The following ADTRP variants were observed in gnomAD, a reference collection of about 807,000 sequenced individuals.
ADTRP encodes the protein androgen dependent TFPI regulating protein, also known as androgen-dependent TFPI-regulating protein.
ADTRP carries 20 observed loss-of-function variants against 27.0 expected under a neutral mutation model. That is an observed-to-expected ratio of 0.74 (90% CI 0.52 to 1.08). The LOEUF (loss-of-function observed/expected upper bound fraction) is 1.08. ADTRP is among the 50% of genes least tolerant of loss of function. ADTRP has a pLI of 0.00. For synonymous variants in ADTRP, 101 were observed against 105.2 expected (o/e 0.96, Z 0.25); for missense variants, 251 against 275.0 (o/e 0.91, Z 0.62).
rs1763219610 is a variant in ADTRP at position 11,756,531 on chromosome 6, CTA to C, written c.390+9741_390+9742del. Among the ~76,000 whole-genome samples, 6 of 152,090 alleles carry C rather than the reference CTA, an allele frequency of 3.9e-5. No homozygotes were observed. The South Asian group carries it at 1.2e-3, about 32-fold the overall frequency. On this transcript the variant is annotated intron_variant, in intron 3 of 5. Transcript: ENST00000414691. ...ACTGGGCAAAGAGTACACAAGACCT[CTA>C]TGATTTCTTACACTTACATGTAAAT...
chr6:11,726,537 G>GT (rs1180922435), intron 4 of ADTRP, among the ~76,000 whole-genome samples: 4 of 152,330 alleles, frequency 2.6e-5, no homozygotes, highest in Non-Finnish European at 5.9e-5. Flanking sequence ...TGAGGCAGCA[G>GT]TAAGGCCCTT....
At chr6:11,761,403 G>A (rs1324532954) in intron 3 of ADTRP, among the ~76,000 whole-genome samples, 1 of 151,868 alleles carries the variant, frequency 6.6e-6, no homozygotes, top group Admixed American at 6.6e-5. Context: ...CTTAGAATAG[G>A]GCCTTGTACA....
In ADTRP at chr6:11,770,131, T is replaced by C. The variant is rs537601940; in HGVS notation, c.154-1748A>G. Reference sequence around the variant, plus strand: ...AAAATTATCAGGTTTCTGAGCGTAGTTCAGATAAAGCATTGTGGGAGGTCA... The same window carrying C: ...AAAATTATCAGGTTTCTGAGCGTAGCTCAGATAAAGCATTGTGGGAGGTCA... On this transcript the variant is annotated intron_variant, in intron 1 of 5. Coordinates refer to ENST00000414691, the MANE Select transcript of ADTRP (RefSeq NM_032744.4). The C allele has an allele frequency of 5.3e-6, 8 of 1,517,982 alleles. No individual in the cohort carries two copies. In the East Asian group the frequency reaches 1.2e-4, roughly 23 times the overall value. The allele number at this position is 1,517,982 out of a possible 1,614,324, so 94.0% of individuals were successfully genotyped here. A position where few individuals can be genotyped will look rare whatever the true frequency, so the allele number is the denominator to read the frequency against.
intron 1 of ADTRP, among the ~76,000 whole-genome samples, chr6:11,769,458 A>G (rs1439969958): frequency 6.6e-6 from 1 of 152,104 alleles, no homozygotes; most frequent in Non-Finnish European, 1.5e-5. Flanking sequence ...GGTGGGTCAG[A>G]CCAGCTACAC....
In ADTRP at chr6:11,735,607, A is replaced by T. The variant is rs768452896; in HGVS notation, c.467T>A (p.Leu156His). Residue 156 changes from leucine to histidine, a missense_variant, in exon 4 of 6, where the codon CTC (leucine) becomes CAC (histidine). Transcript: ENST00000414691. ...AATGCTGGCAGCAGCCAGCAAGGTG[A>T]GTCCTGTCTTCTTTGATGGATAGGA... is the stretch of plus-strand genomic sequence containing the variant. ...PHSYPSKKTGLTLLAAASIAY... is the reference protein window; with the variant it reads ...PHSYPSKKTGHTLLAAASIAY... 2 of 1,614,088 alleles carry T rather than the reference A, an allele frequency of 1.2e-6. No homozygotes were observed. The highest frequency in any genetic ancestry group is 1.7e-6 in the Non-Finnish European group (2 of 1,179,962).
chr6:11,769,920 T>C, intron 1 of ADTRP: 1 of 1,193,296 alleles, frequency 8.4e-7, no homozygotes. Flanking sequence ...TATTCATTAC[T>C]TGGTATGTGC....
At chr6:11,719,354 T>C (rs1761935332) in intron 5 of ADTRP, among the ~76,000 whole-genome samples, 1 of 152,220 alleles carries the variant, frequency 6.6e-6, no homozygotes, top group Non-Finnish European at 1.5e-5. Context: ...CAGAGGCCTA[T>C]ACAGGTTTGA....
intron 3 of ADTRP, among the ~76,000 whole-genome samples, chr6:11,747,034 A>C (rs1244970116): frequency 6.6e-6 from 1 of 152,224 alleles, no homozygotes; most frequent in East Asian, 1.9e-4. Context: ...GGGCACCTGC[A>C]ACGCAGGACC....
chr6:11,764,196 G>A (rs965788897), intron 3 of ADTRP, among the ~76,000 whole-genome samples: 11 of 152,194 alleles, frequency 7.2e-5, no homozygotes, highest in East Asian at 3.8e-4. Flanking sequence ...ATTAGCTCAC[G>A]GATGTGATGT....
intron 5 of ADTRP, among the ~76,000 whole-genome samples, chr6:11,714,869 T>C (rs534160669): frequency 5.3e-5 from 8 of 152,286 alleles, no homozygotes; most frequent in African/African-American, 1.9e-4. Context: ...CAGATGGAGA[T>C]GAAGAGACCA....
chr6:11,772,220 G>A (rs562945988), intron 1 of ADTRP, among the ~76,000 whole-genome samples: 52 of 152,212 alleles, frequency 3.4e-4, no homozygotes, highest in African/African-American at 1.2e-3. Flanking sequence ...TGCGTGTTCC[G>A]TGCCTTTTCC....
At chr6:11,739,238 A>G (rs1410494606) in intron 3 of ADTRP, among the ~76,000 whole-genome samples, 1 of 152,250 alleles carries the variant, frequency 6.6e-6, no homozygotes, top group Non-Finnish European at 1.5e-5. Flanking sequence ...AAAATTAATT[A>G]TCTCAGAGGG....
rs775036207 is a variant in ADTRP, at chr6:11,714,449, T to A, written c.*29A>T. ...GAGAAAAATCTCTTGTGTTTTCTTC[T>A]TTCTTGGTTCTTGGAAAATGGTGTG... is the stretch of plus-strand genomic sequence containing the variant. On this transcript the variant is annotated 3_prime_UTR_variant, in exon 6 of 6. Transcript: ENST00000414691. 6.2e-7 allele frequency: 1 copy of A among 1,605,564 alleles called. No homozygotes were observed. The highest frequency in any genetic ancestry group is 1.1e-5 in the South Asian group (1 of 88,832).
chr6:11,719,780 C>T (rs772187464), intron 5 of ADTRP, among the ~76,000 whole-genome samples: 5 of 152,194 alleles, frequency 3.3e-5, no homozygotes, highest in African/African-American at 7.2e-5. Flanking sequence ...CATCTCTGTC[C>T]GTCTGCTATC....
intron 3 of ADTRP, among the ~76,000 whole-genome samples, chr6:11,761,038 G>A (rs567568635): frequency 6.6e-6 from 1 of 152,182 alleles, no homozygotes; most frequent in African/African-American, 2.4e-5. Context: ...ATCTGAACCA[G>A]CCATGCTGGT....
intron 3 of ADTRP, among the ~76,000 whole-genome samples, chr6:11,762,387 A>G (rs544419450): frequency 6.6e-6 from 1 of 152,240 alleles, no homozygotes; most frequent in Non-Finnish European, 1.5e-5. Context: ...ACCAGATTTA[A>G]GATTGCTAGA....
intron 3 of ADTRP, among the ~76,000 whole-genome samples, chr6:11,750,992 C>A (rs1763027648): frequency 6.6e-6 from 1 of 152,206 alleles, no homozygotes; most frequent in African/African-American, 2.4e-5. Flanking sequence ...GCTGAGACTA[C>A]AGGCATGCAT....
intron 3 of ADTRP, among the ~76,000 whole-genome samples, chr6:11,752,999 T>TA (rs1278015201): frequency 6.6e-6 from 1 of 152,242 alleles, no homozygotes; most frequent in African/African-American, 2.4e-5. Context: ...TTAAGGATGG[T>TA]AAACATACTT....
Position 11,714,195 on chromosome 6 carries a change from T to C in ADTRP, c.*283A>G. On this transcript the variant is annotated 3_prime_UTR_variant, in exon 6 of 6. Transcript: ENST00000414691. ...CTAACACCAAGTTTATGTGAGTTTC[T>C]TTGGCCAGATTTTAACCAGAGACCA... 2.4e-6 allele frequency: 1 copy of C among 409,004 alleles called. No homozygotes were observed. The highest frequency in any genetic ancestry group is 4.4e-6 in the Non-Finnish European group (1 of 226,538). The allele number at this position is 409,004 out of a possible 1,614,324, so 25.3% of individuals were successfully genotyped here.
Sources: gnomAD v4.1 joint callset for allele counts (sites outside exome capture counted in the v4.1 genomes callset) on GRCh38, gnomAD v4.1.1 for gene constraint, MANE v1.5 for transcripts, NCBI Gene and HGNC (gene_info 2026-07-23, HGNC 2026-07-21) for gene names.